The following AGL variants were observed in gnomAD, a reference collection of about 807,000 sequenced individuals.
AGL encodes glycogen debranching enzyme.
A neutral mutation model predicts 199.3 loss-of-function variants in AGL; 128 were observed. The ratio of observed to expected loss-of-function variants is 0.64; its 90% confidence interval spans 0.56 to 0.74. The LOEUF (loss-of-function observed/expected upper bound fraction) is 0.74. Among genes scored for constraint, AGL ranks in the 30% least tolerant of loss-of-function variants. AGL has a pLI of 0.00. For missense variants in AGL, 1,809 were observed against 1,820.8 expected (o/e 0.99, Z 0.12); for synonymous variants, 584 against 594.7 (o/e 0.98, Z 0.26).
At chr1:99,909,602 G>T (rs184919663) in intron 27 of AGL, among the ~76,000 whole-genome samples, 10 of 151,848 alleles carry the variant, frequency 6.6e-5, no homozygotes, top group Admixed American at 6.6e-4. Context: ...GAGGTTGCAG[G>T]TTGCTTTTCC....
chr1:99,859,783 C>T (rs187243789), intron 2 of AGL, among the ~76,000 whole-genome samples: 37 of 152,268 alleles, frequency 2.4e-4, no homozygotes, highest in Admixed American at 2.3e-3. Context: ...CTCAGGTGAT[C>T]CTCTCGCCTC....
intron 33 of AGL, among the ~76,000 whole-genome samples, chr1:99,920,762 T>A (rs575579425): frequency 5.5e-4 from 84 of 152,322 alleles, no homozygotes; most frequent in Non-Finnish European, 9.8e-4. Flanking sequence ...GAAACAAATA[T>A]GTTCCCACAA....
At chr1:99,910,125 G>T (rs1404090810) in intron 27 of AGL, among the ~76,000 whole-genome samples, 1 of 152,010 alleles carries the variant, frequency 6.6e-6, no homozygotes, top group Non-Finnish European at 1.5e-5. Flanking sequence ...GGGTACAAGG[G>T]CAGTTTTGTT....
Position 99,923,704 on chromosome 1 carries a change from G to A in AGL, c.*2053G>A, listed in dbSNP as rs1490885288. 2 of 152,262 alleles carry A rather than the reference G, an allele frequency of 1.3e-5. No individual in the cohort carries two copies. The highest frequency in any genetic ancestry group is 4.1e-4 in the South Asian group (2 of 4,832). The allele number at this position is 152,262 out of a possible 1,614,324, so 9.4% of individuals were successfully genotyped here. ...TTTAACAGGTGTCATTTGACTAAAC[G>A]TTTCGGTAGAATGCTTCATACTTGA... On this transcript the variant is annotated 3_prime_UTR_variant, in exon 34 of 34. Transcript: ENST00000361915.
chr1:99,887,578 TA>T (rs1442224116), intron 20 of AGL, among the ~76,000 whole-genome samples: 1 of 152,098 alleles, frequency 6.6e-6, no homozygotes, highest in East Asian at 1.9e-4. Context: ...ATGTCTCACT[TA>T]GGGGAATATA....
chr1:99,916,476 T>C lies in AGL; in HGVS notation c.4326T>C (p.Gly1442=). 6.2e-7 allele frequency: 1 copy of C among 1,612,334 alleles called. No homozygotes were observed. Among genetic ancestry groups the C allele is most frequent in the Non-Finnish European group, 8.5e-7 (1 of 1,178,874 alleles). ...ATGACAACTACAATCTTGCTAAAGGTTTCAATTATCACCAAGGACCTGTAA... is the reference window on the plus strand; with the variant it reads ...ATGACAACTACAATCTTGCTAAAGGCTTCAATTATCACCAAGGACCTGTAA... The part of the protein sequence containing the change: ...LDNDNYNLAK[G]FNYHQGPEWL... The change falls in exon 32 of 34, where the codon GGT becomes GGC. Residue 1442 remains glycine, a synonymous_variant. Transcript: ENST00000361915.
chr1:99,898,770 A>G (rs1653547594), intron 25 of AGL, among the ~76,000 whole-genome samples: 1 of 152,092 alleles, frequency 6.6e-6, no homozygotes, highest in South Asian at 2.1e-4. Flanking sequence ...TATTCTCCAT[A>G]CACTTAACAT....
At chr1:99,874,901 T>A in intron 8 of AGL, 91 bp downstream of exon 8, 2 of 1,428,120 alleles carry the variant, frequency 1.4e-6, no homozygotes, top group Non-Finnish European at 1.9e-6. Context: ...TAAAAACGCT[T>A]AATAGAAAAT....
intron 14 of AGL, 61 bp downstream of exon 14, chr1:99,880,856 G>A: frequency 6.4e-7 from 1 of 1,570,606 alleles, no homozygotes; most frequent in Non-Finnish European, 8.8e-7. Context: ...TTAACTCTCT[G>A]ACACTTGGTC....
At chr1:99,866,540 T>C (rs1398428119) in intron 5 of AGL, among the ~76,000 whole-genome samples, 2 of 152,232 alleles carry the variant, frequency 1.3e-5, no homozygotes, top group Non-Finnish European at 2.9e-5. Flanking sequence ...CACAGGAATT[T>C]GTCTCTTGCC....
intron 4 of AGL, among the ~76,000 whole-genome samples, chr1:99,863,144 T>TG (rs1181240349): frequency 6.6e-6 from 1 of 152,030 alleles, no homozygotes; most frequent in Non-Finnish European, 1.5e-5. Context: ...TTCACCATGT[T>TG]GGCCAGGCTG....
rs767655005 is a variant in AGL at position 99,915,473 on chromosome 1, A to G, written c.4246A>G (p.Thr1416Ala). 6.2e-7 allele frequency: 1 copy of G among 1,609,434 alleles called. No individual in the cohort carries two copies. The highest frequency in any genetic ancestry group is 8.5e-7 in the Non-Finnish European group (1 of 1,175,886). The change falls in exon 31 of 34, where the codon ACT becomes GCT. Residue 1416 changes from threonine to alanine, a missense_variant. Transcript: ENST00000361915. The stretch of plus-strand genomic sequence containing the variant: ...ATTGCTTGGTCCCCTTGGCATGAAA[A>G]CTTTAGATCCAGAGTAAGTTGGAAT... ...KKLLGPLGMK[T>A]LDPDDMVYCG...
At position 99,876,543 on chromosome 1, in the gene AGL, G is replaced by T; in HGVS notation, c.1369G>T (p.Ala457Ser). ...HLPNKACFLM[A>S]HNGWVMGDDP... ...GCCAAATAAAGCTTGTTTTCTGATG[G>T]CACACAATGGATGGGTAATGGGAGA... The change falls in exon 11 of 34, where the codon GCA becomes TCA. Residue 457 changes from alanine (A) to serine (S), a missense_variant. Physicochemically the swap from Ala to Ser is moderately conservative, Grantham distance 99. Coordinates refer to ENST00000361915, the MANE Select transcript of AGL (RefSeq NM_000642.3). 1 of 1,613,926 alleles carries T rather than the reference G, an allele frequency of 6.2e-7. No homozygotes were observed. The highest frequency in any genetic ancestry group is 8.5e-7 in the Non-Finnish European group (1 of 1,179,932).
chr1:99,901,426 T>G (rs116352317), intron 26 of AGL, among the ~76,000 whole-genome samples: 1,707 of 149,686 alleles, frequency 0.011, 13 homozygotes, highest in Non-Finnish European at 0.018. Flanking sequence ...ATAATAGGGT[T>G]GCATAGTGGA....
intron 26 of AGL, among the ~76,000 whole-genome samples, chr1:99,901,129 G>A (rs1012031011): frequency 6.6e-6 from 1 of 151,966 alleles, no homozygotes; most frequent in Non-Finnish European, 1.5e-5. Flanking sequence ...TCTTAAAAGA[G>A]AGAGAAGGTC....
intron 20 of AGL, 37 bp downstream of exon 20, chr1:99,884,740 A>C: frequency 6.2e-7 from 1 of 1,611,246 alleles, no homozygotes; most frequent in Non-Finnish European, 8.5e-7. Flanking sequence ...TTGCCACCTT[A>C]ATAAGTAAGT....
At position 99,875,158 on chromosome 1, in the gene AGL, G is replaced by A. The variant is rs755884219; in HGVS notation, c.1087G>A (p.Gly363Arg). 1.9e-6 allele frequency: 3 copies of A among 1,613,460 alleles called. No individual in the cohort carries two copies. Among genetic ancestry groups the A allele is most frequent in the Middle Eastern group, 1.6e-4 (1 of 6,062 alleles). Reference sequence around the variant, plus strand: ...GCATTTCTCCATCTGCTCTAGCAAGGGGCCAGCAGCAATTGAAGAATGCTG... The same window carrying A: ...GCATTTCTCCATCTGCTCTAGCAAGAGGCCAGCAGCAATTGAAGAATGCTG... ...ALTTFIPHDK[G>R]PAAIEECCNW... Residue 363 changes from glycine to arginine, a missense_variant, in exon 9 of 34, where the codon GGG (glycine) becomes AGG (arginine). By Grantham distance (125) the Gly-to-Arg change is moderately radical (BLOSUM62 -2). Coordinates refer to ENST00000361915, the MANE Select transcript of AGL (RefSeq NM_000642.3).
At chr1:99,871,053 A>T (rs556338599) in intron 7 of AGL, among the ~76,000 whole-genome samples, 184 bp downstream of exon 7, 127 of 152,356 alleles carry the variant, frequency 8.3e-4, no homozygotes, top group African/African-American at 2.9e-3. Context: ...AGGGCACGTC[A>T]TAATAATACA....
chr1:99,857,847 A>AGAGGGAGCCCGTGGGGAGGGGGAGGGGGG (rs1557743553), intron 2 of AGL, among the ~76,000 whole-genome samples: 1 of 8,226 alleles, frequency 1.2e-4, no homozygotes, highest in Non-Finnish European at 2.4e-4. Flanking sequence ...GGGGAGGGGG[A>AGAGGGAGCCCGTGGGGAGGGGGAGGGGGG]GGGGGGAAGA....
Sources: allele counts gnomAD v4.1 joint callset (sites outside exome capture counted in the v4.1 genomes callset), GRCh38; gene constraint gnomAD v4.1.1; transcripts MANE v1.5; gene names NCBI Gene and HGNC (gene_info 2026-07-23, HGNC 2026-07-21).